The following FASN variants were observed in gnomAD, a reference collection of about 807,000 sequenced individuals.
The protein encoded by FASN is fatty acid synthase, also known as 3-hydroxyacyl-[acyl-carrier-protein] dehydratase.
Under a neutral mutation model 250.0 loss-of-function variants are expected in FASN, and 50 were observed. The observed-to-expected ratio is 0.20, with a 90% CI of 0.16 to 0.25. The LOEUF is 0.25. Ranked by LOEUF, FASN falls within the 10% of genes least tolerant of loss-of-function variation. The pLI, the probability that FASN is intolerant of heterozygous loss-of-function variation, is 1.00. For missense variants in FASN, 3,031 were observed against 3,498.5 expected (o/e 0.87, Z 3.37); for synonymous variants, 1,909 against 1,584.0 (o/e 1.21, Z -4.87).
intron 41 of FASN, 130 bp from the exon 42 acceptor site, chr17:82,079,738 G>A: frequency 7.7e-7 from 1 of 1,293,508 alleles, no homozygotes; most frequent in Non-Finnish European, 1.0e-6. Flanking sequence ...ATGGAGTGGG[G>A]CGATCTCAGC....
At chr17:82,081,117 C>G in intron 38 of FASN, 47 bp downstream of exon 38, 13 of 1,539,270 alleles carry the variant, frequency 8.4e-6, no homozygotes, top group Non-Finnish European at 1.1e-5. Context: ...GGAGGAAGGG[C>G]TGGGGAGGCC....
At position 82,092,723 on chromosome 17, in the gene FASN, T is replaced by C; in HGVS notation, c.868A>G (p.Ile290Val). Residue 290 changes from isoleucine (I) to valine (V), a missense_variant, in exon 7 of 43, where the codon ATC becomes GTC. By Grantham distance (29) the Ile-to-Val change is conservative (BLOSUM62 3). Transcript: ENST00000306749. ...TTGGTGCCTGTGCCGTGGGCTTCGA[T>C]GTATTCAAATGACTCAGGGGCCACT... ...AGVAPESFEY[I>V]EAHGTGTKVG... The C allele has an allele frequency of 2.5e-6, 4 of 1,601,154 alleles. No homozygotes were observed. Among genetic ancestry groups the C allele is most frequent in the Non-Finnish European group, 3.4e-6 (4 of 1,176,080 alleles).
At chr17:82,093,907 C>T (rs2034260534) in intron 3 of FASN, 136 bp from the exon 4 acceptor site, 3 of 912,780 alleles carry the variant, frequency 3.3e-6, no homozygotes, top group African/African-American at 3.6e-5. Context: ...CCCAGTGGGA[C>T]CCTGGAAGGG....
In FASN at chr17:82,093,352, G is replaced by T. The variant is rs1269455836; in HGVS notation, c.522C>A (p.Ala174=). Residue 174 remains alanine (A), a synonymous_variant, in exon 5 of 43, where the codon GCC becomes GCA. Transcript: ENST00000306749. The stretch of plus-strand genomic sequence containing the variant: ...CGGCAGGGCACTGCCCGCTGTGGAT[G>T]GCCTGGTAGGCGTTCTGCAGGGCCA... ...SLMALQNAYQ[A]IHSGQCPAAI... 6.2e-7 allele frequency: 1 copy of T among 1,603,420 alleles called. No individual in the cohort carries two copies. Among genetic ancestry groups the T allele is most frequent in the Non-Finnish European group, 8.5e-7 (1 of 1,176,700 alleles).
intron 11 of FASN, 92 bp from the exon 12 acceptor site, chr17:82,089,818 T>A: frequency 8.9e-7 from 1 of 1,120,116 alleles, no homozygotes; most frequent in Non-Finnish European, 1.3e-6. Flanking sequence ...CTGGGGGCAG[T>A]AATGACAAGT....
intron 34 of FASN, 31 bp downstream of exon 34, chr17:82,082,481 CTTGGTCTTGGGGCTT>C: frequency 1.1e-5 from 17 of 1,611,226 alleles, no homozygotes; most frequent in Non-Finnish European, 1.4e-5. Flanking sequence ...GGGTCCCCCC[CTTGGTCTTGGGGCTT>C]TTGAGGGCCC....
At chr17:82,092,633 C>G in intron 7 of FASN, 44 bp from the exon 8 acceptor site, 1 of 1,600,812 alleles carries the variant, frequency 6.2e-7, no homozygotes, top group South Asian at 1.1e-5. Context: ...CAGGTCACCT[C>G]TCCAGGCATG....
chr17:82,080,234 T>C lies in FASN; in HGVS notation c.7052A>G (p.Tyr2351Cys). The C allele has an allele frequency of 1.2e-6, 2 of 1,613,094 alleles. No homozygotes were observed. Among genetic ancestry groups the C allele is most frequent in the Non-Finnish European group, 1.7e-6 (2 of 1,180,018 alleles). ...PTYVLAYTQS[Y>C]RAKLTPGCEA... ...ACAGCCTGGGGTCAGCTTTGCCCGG[T>C]AGCTCTGAGAGGAAGGAGGGACTGC... is the stretch of plus-strand genomic sequence containing the variant. Residue 2351 changes from tyrosine to cysteine, a missense_variant, in exon 41 of 43, where the codon TAC (tyrosine) becomes TGC (cysteine). Transcript: ENST00000306749.
rs762161225 is a variant in FASN, at chr17:82,088,981, G to A, written c.2292C>T (p.His764=). 30 of 1,609,098 alleles carry A rather than the reference G, an allele frequency of 1.9e-5. No homozygotes were observed. The highest frequency in any genetic ancestry group is 4.0e-5 in the African/African-American group (3 of 74,736). ...AGGCTGGGCCTACCTGCAGCAGGGCGTGGGGCGCGATCTCCAGCACCACCG... is the reference window on the plus strand; with the variant it reads ...AGGCTGGGCCTACCTGCAGCAGGGCATGGGGCGCGATCTCCAGCACCACCG... The part of the protein sequence containing the change: ...EHAVVLEIAP[H]ALLQAVLKRG... Residue 764 remains histidine, a synonymous_variant, in exon 14 of 43, where the codon CAC becomes CAT. Coordinates refer to ENST00000306749, the MANE Select transcript of FASN (RefSeq NM_004104.5).
At position 82,093,130 on chromosome 17, in the gene FASN, T is replaced by C. The variant is rs2034242866; in HGVS notation, c.655+89A>G. The stretch of plus-strand genomic sequence containing the variant: ...TGCTTGGGTGGGGGATCCCCGGAGC[T>C]GGCAGGATCCTGCTCAGCGTGGGGA... On this transcript the variant is annotated intron_variant, in intron 5 of 42. Coordinates refer to ENST00000306749, the MANE Select transcript of FASN (RefSeq NM_004104.5). 3.9e-6 allele frequency: 6 copies of C among 1,547,262 alleles called. No individual in the cohort carries two copies. In the East Asian group the frequency reaches 1.4e-4, roughly 37 times the overall value.
intron 20 of FASN, 26 bp downstream of exon 20, chr17:82,087,299 C>T (rs1396716264): frequency 3.1e-6 from 5 of 1,596,458 alleles, no homozygotes; most frequent in Non-Finnish European, 4.3e-6. Flanking sequence ...GGTGGGGGCA[C>T]TGGGCTGGGG....
At chr17:82,089,566 G>A in intron 12 of FASN, 66 bp downstream of exon 12, 1 of 1,546,150 alleles carries the variant, frequency 6.5e-7, no homozygotes, top group Non-Finnish European at 8.8e-7. Flanking sequence ...GTGGCCGCGT[G>A]TCCCTGCCAG....
chr17:82,087,231 C>T lies in FASN; in HGVS notation c.3246G>A (p.Arg1082=), dbSNP rs1180674539. 2 of 1,607,946 alleles carry T rather than the reference C, an allele frequency of 1.2e-6. No individual in the cohort carries two copies. Among genetic ancestry groups the T allele is most frequent in the African/African-American group, 1.3e-5 (1 of 75,008 alleles). ...CTCCGGCCACTGTGACCCTCAGCCA[C>T]CTGCTCACCACCACGTCAGCCACTG... is the stretch of plus-strand genomic sequence containing the variant. ...KAQVADVVVS[R]WLRVTVAGGV... is the part of the protein sequence containing the mutation. Residue 1082 remains arginine, a synonymous_variant, in exon 21 of 43, where the codon AGG becomes AGA. Coordinates refer to ENST00000306749, the MANE Select transcript of FASN (RefSeq NM_004104.5).
intron 10 of FASN, 136 bp from the exon 11 acceptor site, chr17:82,090,700 C>T: frequency 5.7e-6 from 6 of 1,049,362 alleles, no homozygotes; most frequent in South Asian, 5.5e-5. Flanking sequence ...AAAGAAGCCC[C>T]TATGGCCCCC....
intron 11 of FASN, 77 bp downstream of exon 11, chr17:82,090,298 G>C: frequency 7.0e-7 from 1 of 1,421,024 alleles, no homozygotes; most frequent in South Asian, 1.2e-5. Flanking sequence ...GCCAGGCCAG[G>C]GCTGCAGGTG....
Position 82,081,270 on chromosome 17 carries a change from G to A in FASN, c.6489C>T (p.Arg2163=). 3.2e-6 allele frequency: 5 copies of A among 1,569,352 alleles called. No homozygotes were observed. Among genetic ancestry groups the A allele is most frequent in the Non-Finnish European group, 4.3e-6 (5 of 1,157,550 alleles). The change falls in exon 38 of 43, where the codon CGC becomes CGT. Residue 2163 remains arginine (R), a synonymous_variant. Coordinates refer to ENST00000306749, the MANE Select transcript of FASN (RefSeq NM_004104.5). ...GLDSLMSVEV[R]QTLERELNLV... Reference sequence around the variant, plus strand: ...GGTTGAGCTCACGCTCCAGCGTCTGGCGCACCTCCACGCTCATGAGCGAGT... The same window carrying A: ...GGTTGAGCTCACGCTCCAGCGTCTGACGCACCTCCACGCTCATGAGCGAGT...
chr17:82,097,084 G>A (rs1194168465), intron 1 of FASN, among the ~76,000 whole-genome samples: 1 of 152,226 alleles, frequency 6.6e-6, no homozygotes, highest in Non-Finnish European at 1.5e-5. Context: ...AATGGGGATA[G>A]CCTATGCTCT....
chr17:82,097,556 C>T (rs1407272338), intron 1 of FASN: 2 of 152,340 alleles, frequency 1.3e-5, no homozygotes, highest in African/African-American at 4.8e-5. Context: ...GGGTCCTCGC[C>T]GCTTGCTATT....
At chr17:82,089,756 C>T (rs751126577) in intron 11 of FASN, 30 bp from the exon 12 acceptor site, 23 of 1,551,446 alleles carry the variant, frequency 1.5e-5, no homozygotes, top group African/African-American at 6.8e-5. Flanking sequence ...AGAGGCTTAG[C>T]GTGGACACCG....
Sources: gnomAD v4.1 joint callset for allele counts (sites outside exome capture counted in the v4.1 genomes callset) on GRCh38, gnomAD v4.1.1 for gene constraint, MANE v1.5 for transcripts, NCBI Gene and HGNC (gene_info 2026-07-23, HGNC 2026-07-21) for gene names.